The following GRM1 variants were observed in gnomAD, a reference collection of about 807,000 sequenced individuals.
The protein encoded by GRM1 is metabotropic glutamate receptor 1.
A neutral mutation model predicts 90.9 loss-of-function variants in GRM1; 33 were observed. That is an observed-to-expected ratio of 0.36 (90% CI 0.28 to 0.49). The LOEUF (loss-of-function observed/expected upper bound fraction) is 0.49, where lower values mean the gene tolerates loss of function less well. GRM1 is among the 20% of genes least tolerant of loss of function. GRM1 has a pLI of 0.99. For missense variants in GRM1, 1,190 were observed against 1,534.3 expected (o/e 0.78, Z 3.75); for synonymous variants, 700 against 613.2 (o/e 1.14, Z -2.09).
intron 2 of GRM1, among the ~76,000 whole-genome samples, chr6:146,160,330 C>A (rs1777677522): frequency 6.6e-6 from 1 of 152,154 alleles, no homozygotes; most frequent in Non-Finnish European, 1.5e-5. Context: ...CCCAAAATTT[C>A]TGTTCTCTTT....
At chr6:146,247,336 TAGTGATAC>T (rs1411454250) in intron 2 of GRM1, among the ~76,000 whole-genome samples, 1 of 152,136 alleles carries the variant, frequency 6.6e-6, no homozygotes, top group African/African-American at 2.4e-5. Context: ...GCCACTAACC[TAGTGATAC>T]AGCTGCATGG....
At chr6:146,304,960 T>A in intron 3 of GRM1, 114 bp downstream of exon 3, 1 of 775,158 alleles carries the variant, frequency 1.3e-6, no homozygotes, top group Non-Finnish European at 2.3e-6. Context: ...AAGACAAAAT[T>A]GCCATCTGTG....
At chr6:146,127,127 C>T (rs1250137634) in intron 1 of GRM1, among the ~76,000 whole-genome samples, 1 of 152,130 alleles carries the variant, frequency 6.6e-6, no homozygotes, top group African/African-American at 2.4e-5. Context: ...CAGGAGTTAA[C>T]ATTAGTTTTC....
chr6:146,210,582 G>A (rs963051317), intron 2 of GRM1, among the ~76,000 whole-genome samples: 5 of 152,054 alleles, frequency 3.3e-5, no homozygotes, highest in African/African-American at 1.2e-4. Context: ...GCAGGAACAG[G>A]GATAGGAGTT....
chr6:146,061,931 G>A (rs1390068386), intron 1 of GRM1, among the ~76,000 whole-genome samples: 1 of 152,170 alleles, frequency 6.6e-6, no homozygotes, highest in African/African-American at 2.4e-5. Flanking sequence ...GTGGAAGACA[G>A]TGTGGTGATT....
At chr6:146,358,960 C>T (rs1775347452) in intron 5 of GRM1, among the ~76,000 whole-genome samples, 1 of 152,142 alleles carries the variant, frequency 6.6e-6, no homozygotes, top group Non-Finnish European at 1.5e-5. Flanking sequence ...GCATAGACTC[C>T]ATTCTCATGC....
intron 1 of GRM1, among the ~76,000 whole-genome samples, chr6:146,104,121 A>T (rs1178572597): frequency 1.3e-5 from 2 of 152,138 alleles, no homozygotes; most frequent in African/African-American, 2.4e-5. Context: ...TGAGCTAGGA[A>T]ATAGTTTGGG....
chr6:146,141,374 G>A (rs1776875729), intron 1 of GRM1, among the ~76,000 whole-genome samples: 1 of 151,522 alleles, frequency 6.6e-6, no homozygotes, highest in African/African-American at 2.4e-5. Context: ...TCTTCTTTGG[G>A]TTAAATCTGC....
intron 2 of GRM1, among the ~76,000 whole-genome samples, chr6:146,302,223 A>G (rs887865225): frequency 6.6e-6 from 1 of 151,198 alleles, no homozygotes; most frequent in Non-Finnish European, 1.5e-5. Context: ...CAGCTCAGCC[A>G]TCACCTTCTT....
intron 2 of GRM1, among the ~76,000 whole-genome samples, chr6:146,186,823 A>G (rs571531493): frequency 1.3e-5 from 2 of 152,308 alleles, no homozygotes; most frequent in South Asian, 4.1e-4. Context: ...TGTTCGCACT[A>G]TGTGTCCATT....
At chr6:146,127,283 A>G (rs1776232554) in intron 1 of GRM1, among the ~76,000 whole-genome samples, 1 of 152,318 alleles carries the variant, frequency 6.6e-6, no homozygotes, top group Admixed American at 6.5e-5. Flanking sequence ...GGGGTTATGT[A>G]CCTGAAGTTT....
chr6:146,217,211 C>T (rs1416189216), intron 2 of GRM1, among the ~76,000 whole-genome samples: 2 of 152,164 alleles, frequency 1.3e-5, no homozygotes, highest in African/African-American at 4.8e-5. Flanking sequence ...ATGAAAATTT[C>T]TCATCCATTA....
intron 1 of GRM1, among the ~76,000 whole-genome samples, chr6:146,094,763 G>C (rs1385253196): frequency 1.3e-5 from 2 of 152,042 alleles, no homozygotes; most frequent in Non-Finnish European, 2.9e-5. Flanking sequence ...ATGTCATTGA[G>C]AATCTACTAT....
At chr6:146,091,294 G>A (rs1199451679) in intron 1 of GRM1, among the ~76,000 whole-genome samples, 1 of 152,108 alleles carries the variant, frequency 6.6e-6, no homozygotes, top group Non-Finnish European at 1.5e-5. Context: ...AGGAAGTAGA[G>A]CTCCCTCTCC....
chr6:146,330,709 A>G (rs767476691), intron 3 of GRM1, among the ~76,000 whole-genome samples: 6 of 152,162 alleles, frequency 3.9e-5, no homozygotes, highest in Non-Finnish European at 1.5e-5. Flanking sequence ...TAAATTCTTT[A>G]ATGTTTTGAG....
chr6:146,240,498 G>C (rs988812391), intron 2 of GRM1, among the ~76,000 whole-genome samples: 1 of 152,020 alleles, frequency 6.6e-6, no homozygotes, highest in Non-Finnish European at 1.5e-5. Flanking sequence ...GAGAGGAACA[G>C]AGCTACTGGC....
chr6:146,109,091 A>G (rs971065467), intron 1 of GRM1, among the ~76,000 whole-genome samples: 6 of 152,198 alleles, frequency 3.9e-5, no homozygotes, highest in Non-Finnish European at 8.8e-5. Context: ...AGAAAATTCC[A>G]TTTTCTGAGG....
At chr6:146,385,253 C>T (rs1776460646) in intron 5 of GRM1, among the ~76,000 whole-genome samples, 1 of 151,938 alleles carries the variant, frequency 6.6e-6, no homozygotes, top group Non-Finnish European at 1.5e-5. Flanking sequence ...GTGATACATT[C>T]AGAAGAACGA....
chr6:146,242,277 T>C (rs1407395076), intron 2 of GRM1, among the ~76,000 whole-genome samples: 3 of 152,162 alleles, frequency 2.0e-5, no homozygotes, highest in African/African-American at 7.2e-5. Context: ...GTCACACAGC[T>C]AGCAAGCAGT....
Sources: allele counts gnomAD v4.1 joint callset (sites outside exome capture counted in the v4.1 genomes callset), GRCh38; gene constraint gnomAD v4.1.1; transcripts MANE v1.5; gene names NCBI Gene and HGNC (gene_info 2026-07-23, HGNC 2026-07-21).